The following GRM5 variants were observed in gnomAD, a reference collection of about 807,000 sequenced individuals.
GRM5 encodes the protein metabotropic glutamate receptor 5.
Under a neutral mutation model 83.1 loss-of-function variants are expected in GRM5, and 19 were observed. That is an observed-to-expected ratio of 0.23 (90% CI 0.16 to 0.34). The LOEUF is 0.34. Among genes scored for constraint, GRM5 ranks in the 10% least tolerant of loss-of-function variants. The probability of loss-of-function intolerance (pLI) is 1.00; values close to 1 mark genes in which losing one functional copy is unlikely to be tolerated. For missense variants in GRM5, 1,160 were observed against 1,588.3 expected, an observed-to-expected ratio of 0.73 and a Z score of 4.58; for synonymous variants, 675 against 633.6, an observed-to-expected ratio of 1.07 and a Z score of -0.98.
chr11:88,746,190 G>A (rs949096215), intron 3 of GRM5, among the ~76,000 whole-genome samples: 1 of 151,978 alleles, frequency 6.6e-6, no homozygotes, highest in Non-Finnish European at 1.5e-5. Flanking sequence ...GCTTAACTCA[G>A]GTGTTGTCTC....
At chr11:89,027,246 C>A (rs1259663032) in intron 2 of GRM5, among the ~76,000 whole-genome samples, 1 of 152,002 alleles carries the variant, frequency 6.6e-6, no homozygotes, top group East Asian at 1.9e-4. Flanking sequence ...CAGGTGCATG[C>A]CACCACATCC....
At chr11:88,644,376 C>T (rs1939382335) in intron 4 of GRM5, among the ~76,000 whole-genome samples, 1 of 152,152 alleles carries the variant, frequency 6.6e-6, no homozygotes, top group African/African-American at 2.4e-5. Flanking sequence ...TTATAAAATG[C>T]TTGCCTTATA....
chr11:88,701,542 T>G (rs1327685799), intron 3 of GRM5, among the ~76,000 whole-genome samples: 1 of 152,154 alleles, frequency 6.6e-6, no homozygotes, highest in Non-Finnish European at 1.5e-5. Context: ...AAACTTGCTT[T>G]GTATATTTTC....
intron 3 of GRM5, among the ~76,000 whole-genome samples, chr11:88,715,255 T>C (rs1452173664): frequency 1.3e-5 from 2 of 151,874 alleles, no homozygotes; most frequent in African/African-American, 2.4e-5. Flanking sequence ...GCTGAAGAAA[T>C]AGTAGTAAAG....
intron 6 of GRM5, among the ~76,000 whole-genome samples, chr11:88,594,708 C>A (rs1937751691): frequency 6.6e-6 from 1 of 152,094 alleles, no homozygotes; most frequent in African/African-American, 2.4e-5. Context: ...CAGACCTACC[C>A]TTTGAGGGCC....
At chr11:88,664,806 A>C (rs928299770) in intron 3 of GRM5, among the ~76,000 whole-genome samples, 1 of 152,148 alleles carries the variant, frequency 6.6e-6, no homozygotes, top group African/African-American at 2.4e-5. Flanking sequence ...TTTAAAGTAT[A>C]TAAGAATATG....
At chr11:89,012,135 C>A (rs186908818) in intron 2 of GRM5, among the ~76,000 whole-genome samples, 5 of 151,638 alleles carry the variant, frequency 3.3e-5, no homozygotes, top group Admixed American at 6.6e-5. Flanking sequence ...ATGGAAGAGA[C>A]AAAAGAAGAA....
At chr11:88,916,707 C>T (rs1565290630) in intron 2 of GRM5, among the ~76,000 whole-genome samples, 1 of 151,762 alleles carries the variant, frequency 6.6e-6, no homozygotes, top group South Asian at 2.1e-4. Context: ...TGTCATCCCT[C>T]CCCCAACTCT....
intron 2 of GRM5, among the ~76,000 whole-genome samples, chr11:89,024,832 C>A (rs891599618): frequency 4.6e-5 from 7 of 152,132 alleles, no homozygotes; most frequent in African/African-American, 1.7e-4. Context: ...ATTATCTACA[C>A]CTTGGCCCAG....
intron 3 of GRM5, among the ~76,000 whole-genome samples, chr11:88,796,109 C>A (rs1943269466): frequency 6.6e-6 from 1 of 152,132 alleles, no homozygotes; most frequent in African/African-American, 2.4e-5. Flanking sequence ...ATCTTCAGGA[C>A]CACTTGCATT....
intron 3 of GRM5, among the ~76,000 whole-genome samples, chr11:88,693,083 GA>G (rs1261918816): frequency 6.6e-5 from 10 of 150,462 alleles, no homozygotes; most frequent in South Asian, 2.1e-4. Context: ...AATATAAATG[GA>G]AAAAAAAAGT....
intron 9 of GRM5, among the ~76,000 whole-genome samples, chr11:88,517,128 T>TACACAC (rs60251358): frequency 0.018 from 2,674 of 148,154 alleles, 65 homozygotes; most frequent in African/African-American, 0.056. Flanking sequence ...TTGGCTTCTG[T>TACACAC]ACACACACAC....
chr11:89,023,173 G>A (rs1447186662), intron 2 of GRM5, among the ~76,000 whole-genome samples: 8 of 152,058 alleles, frequency 5.3e-5, no homozygotes, highest in South Asian at 4.2e-4. Context: ...GTGCGCGCGC[G>A]TGCACATGTG....
chr11:88,740,455 T>C (rs1424113675), intron 3 of GRM5, among the ~76,000 whole-genome samples: 1 of 152,058 alleles, frequency 6.6e-6, no homozygotes, highest in Non-Finnish European at 1.5e-5. Flanking sequence ...ATGTTTAAGA[T>C]TCAGTTGGGT....
At chr11:89,029,328 G>A (rs1302564109) in intron 2 of GRM5, among the ~76,000 whole-genome samples, 1 of 152,066 alleles carries the variant, frequency 6.6e-6, no homozygotes, top group Non-Finnish European at 1.5e-5. Flanking sequence ...ATATTTGAAG[G>A]AATCATTCAA....
intron 2 of GRM5, among the ~76,000 whole-genome samples, chr11:88,959,206 T>C (rs1280863128): frequency 6.6e-6 from 1 of 152,224 alleles, no homozygotes; most frequent in East Asian, 1.9e-4. Flanking sequence ...CAATTGGAAG[T>C]GTAAACAATT....
intron 2 of GRM5, among the ~76,000 whole-genome samples, chr11:88,862,667 A>C (rs1944585569): frequency 6.6e-6 from 1 of 151,966 alleles, no homozygotes; most frequent in Admixed American, 6.6e-5. Flanking sequence ...ATTTTTTTTA[A>C]GTTCTGGGAC....
At chr11:88,796,801 T>G (rs2135480943) in intron 3 of GRM5, among the ~76,000 whole-genome samples, 1 of 152,144 alleles carries the variant, frequency 6.6e-6, no homozygotes, top group East Asian at 1.9e-4. Flanking sequence ...GTGAAGATCA[T>G]GAAGCAATAT....
At chr11:88,949,512 T>A (rs1938387554) in intron 2 of GRM5, among the ~76,000 whole-genome samples, 3 of 152,214 alleles carry the variant, frequency 2.0e-5, no homozygotes, top group African/African-American at 7.2e-5. Context: ...TGAAATATTA[T>A]CCTAGTTGAA....
Sources: allele counts gnomAD v4.1 joint callset (sites outside exome capture counted in the v4.1 genomes callset), GRCh38; gene constraint gnomAD v4.1.1; transcripts MANE v1.5; gene names NCBI Gene and HGNC (gene_info 2026-07-23, HGNC 2026-07-21).